Variants in JAK1 observed in about 807,000 individuals in gnomAD.
JAK1 encodes the protein tyrosine-protein kinase JAK1.
Under a neutral mutation model 136.6 loss-of-function variants are expected in JAK1, and 16 were observed. That is an observed-to-expected ratio of 0.12 (90% confidence interval 0.08 to 0.18). JAK1 has a LOEUF of 0.18. JAK1 is among the 10% of genes least tolerant of loss of function. The probability of loss-of-function intolerance (pLI) is 1.00; values close to 1 mark genes in which losing one functional copy is unlikely to be tolerated. For missense variants in JAK1, 859 were observed against 1,450.1 expected (o/e 0.59, Z 6.62); for synonymous variants, 492 against 519.5 (o/e 0.95, Z 0.72).
At chr1:64,933,446 T>A (rs191260220) in intron 1 of JAK1, among the ~76,000 whole-genome samples, 1 of 152,318 alleles carries the variant, frequency 6.6e-6, no homozygotes, top group African/African-American at 2.4e-5. Flanking sequence ...CCAAGGGAAG[T>A]GACAAAATTT....
At chr1:64,922,966 C>G (rs937169586) in intron 1 of JAK1, among the ~76,000 whole-genome samples, 2 of 152,150 alleles carry the variant, frequency 1.3e-5, no homozygotes, top group Non-Finnish European at 2.9e-5. Context: ...CAGTGGAAAT[C>G]ATACGTTAGG....
At chr1:65,041,951 G>A (rs1048568397) in intron 2 of JAK1, among the ~76,000 whole-genome samples, 69 of 152,268 alleles carry the variant, frequency 4.5e-4, no homozygotes, top group African/African-American at 1.5e-3. Context: ...GCTGAGGCAG[G>A]AGAATCACTT....
intron 11 of JAK1, among the ~76,000 whole-genome samples, chr1:64,853,727 G>A (rs1018043918): frequency 1.3e-5 from 2 of 151,530 alleles, no homozygotes; most frequent in Non-Finnish European, 2.9e-5. Context: ...TACATAAACT[G>A]CCTGGGCCAC....
intron 1 of JAK1, among the ~76,000 whole-genome samples, chr1:64,957,565 C>T (rs985939800): frequency 2.0e-5 from 3 of 152,158 alleles, no homozygotes; most frequent in Admixed American, 6.5e-5. Flanking sequence ...AATCCCAGCA[C>T]TTTGGGAGGC....
At chr1:64,877,175 T>C (rs1378302576) in intron 4 of JAK1, among the ~76,000 whole-genome samples, 1 of 152,180 alleles carries the variant, frequency 6.6e-6, no homozygotes, top group Admixed American at 6.5e-5. Context: ...AAAACGATAA[T>C]TGAAATACAA....
At chr1:65,066,163 C>G (rs905853138) in intron 1 of JAK1, among the ~76,000 whole-genome samples, 11 of 152,100 alleles carry the variant, frequency 7.2e-5, no homozygotes, top group Non-Finnish European at 1.6e-4. Flanking sequence ...GGTCTTTCTC[C>G]AGGAAGGTGG....
rs576733273 is a variant in JAK1, at chr1:64,865,507, G to A, written c.991-535C>T. 6.6e-5 allele frequency among the ~76,000 whole-genome samples: 10 copies of A among 152,218 alleles called. No individual in the cohort carries two copies. In the South Asian group the frequency reaches 1.2e-3, roughly 19 times the overall value. On this transcript the variant is annotated intron_variant, in intron 7 of 24. Coordinates refer to ENST00000342505, the MANE Select transcript of JAK1 (RefSeq NM_002227.4). ...TGCACAAGTGAAAATATTTTGTGTCGCATGAGCCCTGGAGACCAGAGATCT... is the reference window on the plus strand; with the variant it reads ...TGCACAAGTGAAAATATTTTGTGTCACATGAGCCCTGGAGACCAGAGATCT...
chr1:64,925,722 T>C (rs1341928059), intron 1 of JAK1, among the ~76,000 whole-genome samples: 1 of 152,226 alleles, frequency 6.6e-6, no homozygotes, highest in Admixed American at 6.5e-5. Flanking sequence ...CATAGTGTCA[T>C]GCACTTATTT....
intron 1 of JAK1, among the ~76,000 whole-genome samples, chr1:64,916,610 G>C (rs1645400111): frequency 1.3e-5 from 2 of 152,142 alleles, no homozygotes; most frequent in Admixed American, 1.3e-4. Context: ...GGCTGAGGCA[G>C]GGGGATCTCT....
At chr1:64,876,784 T>C (rs1239118309) in intron 4 of JAK1, among the ~76,000 whole-genome samples, 1 of 151,826 alleles carries the variant, frequency 6.6e-6, no homozygotes, top group African/African-American at 2.4e-5. Context: ...CTTTTCAAAA[T>C]GACGTGGAGG....
chr1:65,001,679 G>C (rs1170795201), intron 2 of JAK1, among the ~76,000 whole-genome samples: 7 of 72,288 alleles, frequency 9.7e-5, no homozygotes, highest in Non-Finnish European at 1.7e-4. Context: ...GTGTGTGTGT[G>C]GGGGGGGGGG....
At chr1:64,989,320 A>T (rs950749161) in intron 2 of JAK1, 12 of 138,892 alleles carry the variant, frequency 8.6e-5, no homozygotes, top group African/African-American at 3.4e-4. Flanking sequence ...GAGAGACTCC[A>T]TCTCAAATAA....
intron 2 of JAK1, among the ~76,000 whole-genome samples, chr1:64,997,802 T>C (rs1417484558): frequency 2.0e-5 from 3 of 152,136 alleles, no homozygotes; most frequent in African/African-American, 4.8e-5. Flanking sequence ...ACAATGCTTA[T>C]GTGAAGGATA....
chr1:65,061,440 C>T (rs976926764), intron 1 of JAK1, among the ~76,000 whole-genome samples: 3 of 152,186 alleles, frequency 2.0e-5, no homozygotes, highest in Non-Finnish European at 4.4e-5. Context: ...AAACATGCTA[C>T]ATCCCTCATA....
At chr1:65,022,027 G>A (rs1399489775) in intron 2 of JAK1, among the ~76,000 whole-genome samples, 2 of 152,160 alleles carry the variant, frequency 1.3e-5, no homozygotes, top group Non-Finnish European at 2.9e-5. Context: ...ACTCAAGGGA[G>A]GGAGGAATAC....
chr1:64,946,242 G>A (rs1487506192), intron 1 of JAK1, among the ~76,000 whole-genome samples: 1 of 152,184 alleles, frequency 6.6e-6, no homozygotes, highest in African/African-American at 2.4e-5. Context: ...CTATTCCCCT[G>A]GAAGAATACA....
chr1:64,948,930 ATT>A (rs1646033728), intron 1 of JAK1, among the ~76,000 whole-genome samples: 1 of 152,114 alleles, frequency 6.6e-6, no homozygotes, highest in African/African-American at 2.4e-5. Context: ...AAGGCTGTAT[ATT>A]CACCAAGGAA....
intron 2 of JAK1, among the ~76,000 whole-genome samples, chr1:65,037,734 T>A (rs1350426217): frequency 1.3e-5 from 2 of 152,108 alleles, no homozygotes; most frequent in African/African-American, 4.8e-5. Flanking sequence ...AGTGGTGGCA[T>A]GTGCCTATAG....
intron 1 of JAK1, among the ~76,000 whole-genome samples, chr1:64,957,897 T>C (rs1435463105): frequency 6.6e-6 from 1 of 151,632 alleles, no homozygotes; most frequent in Non-Finnish European, 1.5e-5. Flanking sequence ...TGAGCCGAGA[T>C]AGCGCCACTG....
Sources: allele counts gnomAD v4.1 joint callset (sites outside exome capture counted in the v4.1 genomes callset), GRCh38; gene constraint gnomAD v4.1.1; transcripts MANE v1.5; gene names NCBI Gene and HGNC (gene_info 2026-07-23, HGNC 2026-07-21).